CHRM3: variants seen among roughly 807,000 people sequenced by gnomAD.
CHRM3 encodes the protein cholinergic receptor muscarinic 3.
In CHRM3, 11 loss-of-function variants were observed where a neutral mutation model predicts 41.8. That is an observed-to-expected ratio of 0.26 (90% CI 0.17 to 0.44). The LOEUF is 0.44. Ranked by LOEUF, CHRM3 falls within the 20% of genes least tolerant of loss-of-function variation. The pLI is 1.00. For missense variants in CHRM3, 571 were observed against 745.4 expected, an observed-to-expected ratio of 0.77 and a Z score of 2.72; for synonymous variants, 297 against 301.4, an observed-to-expected ratio of 0.99 and a Z score of 0.15.
chr1:239,709,644 C>A (rs1661562831), intron 5 of CHRM3, among the ~76,000 whole-genome samples: 1 of 152,162 alleles, frequency 6.6e-6, no homozygotes, highest in South Asian at 2.1e-4. Flanking sequence ...CTATAAATCC[C>A]TTTAACCTGT....
intron 3 of CHRM3, among the ~76,000 whole-genome samples, chr1:239,571,220 A>C (rs559827372): frequency 6.6e-6 from 1 of 152,294 alleles, no homozygotes; most frequent in East Asian, 1.9e-4. Context: ...GTGGACAAGC[A>C]TCACCTTCCC....
At position 239,913,333 on chromosome 1, in the gene CHRM3, T is replaced by G. The variant is rs536903306; in HGVS notation, c.*4109T>G. On this transcript the variant is annotated 3_prime_UTR_variant, in exon 7 of 7. Coordinates refer to ENST00000676153, the MANE Select transcript of CHRM3 (RefSeq NM_001375978.1). ...ATAACAGAACTGAAACTGTATAGAT[T>G]ACAACACTCCAAAGTTATTTTTTTT... is the stretch of plus-strand genomic sequence containing the variant. The G allele has an allele frequency of 6.1e-6, 1 of 165,196 alleles. No homozygotes were observed. Among genetic ancestry groups the G allele is most frequent in the South Asian group, 2.1e-4 (1 of 4,814 alleles). 10.2% of individuals were successfully genotyped at this position (165,196 alleles called of 1,614,324 possible). A position where few individuals can be genotyped will look rare whatever the true frequency, so the allele number is the denominator to read the frequency against.
intron 6 of CHRM3, among the ~76,000 whole-genome samples, chr1:239,834,316 T>C (rs1027621046): frequency 6.7e-6 from 1 of 148,592 alleles, no homozygotes; most frequent in African/African-American, 2.5e-5. Context: ...ATGCCTTTTT[T>C]TTTTTTTTTT....
intron 3 of CHRM3, among the ~76,000 whole-genome samples, chr1:239,557,087 A>G (rs1660435925): frequency 6.6e-6 from 1 of 152,150 alleles, no homozygotes. Context: ...GTAAAAGCCT[A>G]CTTAAGTAGG....
chr1:239,503,725 C>T (rs1347571221), intron 2 of CHRM3, among the ~76,000 whole-genome samples: 2 of 152,192 alleles, frequency 1.3e-5, no homozygotes, highest in African/African-American at 2.4e-5. Flanking sequence ...GGCACATAGA[C>T]CAAAGGAACA....
intron 1 of CHRM3, among the ~76,000 whole-genome samples, chr1:239,485,817 A>G (rs549378185): frequency 1.3e-5 from 2 of 152,288 alleles, no homozygotes; most frequent in Admixed American, 6.5e-5. Flanking sequence ...TCAACACTAG[A>G]AGATTGCTCT....
At chr1:239,829,941 A>C (rs1313064076) in intron 6 of CHRM3, among the ~76,000 whole-genome samples, 1 of 152,192 alleles carries the variant, frequency 6.6e-6, no homozygotes, top group Non-Finnish European at 1.5e-5. Flanking sequence ...GTCTCTACTC[A>C]AATACTGTAC....
intron 5 of CHRM3, among the ~76,000 whole-genome samples, chr1:239,789,180 T>G (rs148008217): frequency 1.1e-3 from 171 of 152,280 alleles, no homozygotes; most frequent in African/African-American, 3.6e-3. Flanking sequence ...TGGAGGGTAC[T>G]AGACCAGGTT....
intron 1 of CHRM3, among the ~76,000 whole-genome samples, chr1:239,476,180 G>A (rs1214660861): frequency 6.6e-6 from 1 of 152,016 alleles, no homozygotes; most frequent in Non-Finnish European, 1.5e-5. Context: ...AAAATTGCTG[G>A]TCTGGCCGGG....
chr1:239,633,300 G>A (rs1044327627), intron 4 of CHRM3, among the ~76,000 whole-genome samples: 1 of 152,084 alleles, frequency 6.6e-6, no homozygotes, highest in African/African-American at 2.4e-5. Context: ...GCAGGAGAGC[G>A]GGGAGAGGGT....
intron 1 of CHRM3, among the ~76,000 whole-genome samples, chr1:239,406,024 T>G (rs892921693): frequency 6.6e-6 from 1 of 152,174 alleles, no homozygotes; most frequent in African/African-American, 2.4e-5. Context: ...CCCGAGTAGC[T>G]GGGACTACAG....
chr1:239,622,295 C>T (rs1359157903), intron 3 of CHRM3, among the ~76,000 whole-genome samples: 1 of 152,106 alleles, frequency 6.6e-6, no homozygotes, highest in African/African-American at 2.4e-5. Context: ...TTCTGCAGCC[C>T]ATGAATCAAG....
chr1:239,400,170 A>T (rs968460737), intron 1 of CHRM3, among the ~76,000 whole-genome samples: 7 of 152,192 alleles, frequency 4.6e-5, no homozygotes, highest in African/African-American at 1.7e-4. Flanking sequence ...CGGCCTTCCA[A>T]AGTGTGGGGA....
chr1:239,863,887 G>A (rs190437362), intron 6 of CHRM3, among the ~76,000 whole-genome samples: 54 of 152,212 alleles, frequency 3.5e-4, no homozygotes, highest in Admixed American at 3.5e-3. Context: ...TAACAGACAC[G>A]ATGCAACAGC....
At chr1:239,635,914 G>C (rs1342797749) in intron 4 of CHRM3, among the ~76,000 whole-genome samples, 1 of 152,126 alleles carries the variant, frequency 6.6e-6, no homozygotes, top group Non-Finnish European at 1.5e-5. Flanking sequence ...AATTCTTATA[G>C]ATGTCCCCAA....
chr1:239,700,679 C>T (rs1030377497), intron 5 of CHRM3, among the ~76,000 whole-genome samples: 2 of 152,068 alleles, frequency 1.3e-5, no homozygotes, highest in Admixed American at 6.6e-5. Context: ...ACCTGTAGCC[C>T]GCAGACTCGT....
chr1:239,675,929 A>G (rs552503818), intron 4 of CHRM3, among the ~76,000 whole-genome samples: 32 of 152,152 alleles, frequency 2.1e-4, no homozygotes, highest in Non-Finnish European at 3.8e-4. Flanking sequence ...TGTATTTCAC[A>G]ACTCTGGAGA....
chr1:239,450,631 C>T lies in CHRM3; in HGVS notation c.-520-42078C>T, dbSNP rs141844552. ...TTGTCCGGATCTAATACTATTTGTGCAGGACAAATTCCTAGAAGAATTCCT... is the reference window on the plus strand; with the variant it reads ...TTGTCCGGATCTAATACTATTTGTGTAGGACAAATTCCTAGAAGAATTCCT... On this transcript the variant is annotated intron_variant, in intron 1 of 6. Coordinates refer to ENST00000676153, the MANE Select transcript of CHRM3 (RefSeq NM_001375978.1). Among the ~76,000 whole-genome samples the T allele has an allele frequency of 7.2e-4, 109 of 152,228 alleles. 1 individual carries two copies. In the East Asian group the frequency reaches 0.02, roughly 28 times the overall value.
chr1:239,854,286 T>G (rs917019850), intron 6 of CHRM3, among the ~76,000 whole-genome samples: 2 of 152,120 alleles, frequency 1.3e-5, no homozygotes, highest in African/African-American at 4.8e-5. Flanking sequence ...TTACTTGTAA[T>G]ATTCATTTAT....
Sources: gnomAD v4.1 joint callset for allele counts (sites outside exome capture counted in the v4.1 genomes callset) on GRCh38, gnomAD v4.1.1 for gene constraint, MANE v1.5 for transcripts, NCBI Gene and HGNC (gene_info 2026-07-23, HGNC 2026-07-21) for gene names.